Variants in EDIL3 observed in about 807,000 individuals in gnomAD.
EDIL3 encodes EGF like and discoidin domains 3, also known as EGF-like repeat and discoidin I-like domain-containing protein 3.
A neutral mutation model predicts 67.4 loss-of-function variants in EDIL3; 37 were observed. That is an observed-to-expected ratio of 0.55 (90% confidence interval 0.42 to 0.72). EDIL3 has a LOEUF of 0.72. EDIL3 is among the 30% of genes least tolerant of loss of function. EDIL3 has a pLI of 0.00. For synonymous variants in EDIL3, 195 were observed against 196.3 expected, an observed-to-expected ratio of 0.99 and a Z score of 0.05; for missense variants, 527 against 586.3, an observed-to-expected ratio of 0.90 and a Z score of 1.04.
intron 4 of EDIL3, among the ~76,000 whole-genome samples, chr5:84,143,062 T>C (rs565373673): frequency 3.5e-4 from 54 of 152,192 alleles, no homozygotes; most frequent in African/African-American, 1.3e-3. Flanking sequence ...TTTGACCTTT[T>C]ATATTTTTCC....
intron 2 of EDIL3, among the ~76,000 whole-genome samples, chr5:84,243,291 A>G (rs1205188269): frequency 6.6e-6 from 1 of 152,216 alleles, no homozygotes; most frequent in Non-Finnish European, 1.5e-5. Flanking sequence ...GTTGTGGGAC[A>G]GGAAAGCATT....
chr5:84,037,985 C>CTTTTTT (rs1580292622), intron 9 of EDIL3, among the ~76,000 whole-genome samples: 117 of 99,476 alleles, frequency 1.2e-3, no homozygotes, highest in Middle Eastern at 4.9e-3. Flanking sequence ...TTCTTTCTTT[C>CTTTTTT]TTGTTTTTTT....
intron 4 of EDIL3, among the ~76,000 whole-genome samples, chr5:84,143,489 C>G (rs1031122631): frequency 1.3e-5 from 2 of 152,058 alleles, no homozygotes; most frequent in African/African-American, 4.8e-5. Flanking sequence ...CATCTCTATC[C>G]TGACATCCTA....
intron 9 of EDIL3, among the ~76,000 whole-genome samples, chr5:84,054,077 A>G (rs541299562): frequency 3.3e-5 from 5 of 152,128 alleles, no homozygotes; most frequent in Non-Finnish European, 7.4e-5. Flanking sequence ...CTGGCAAACC[A>G]AATCCAGCAG....
At chr5:84,146,371 C>G (rs1748289814) in intron 4 of EDIL3, among the ~76,000 whole-genome samples, 1 of 152,068 alleles carries the variant, frequency 6.6e-6, no homozygotes, top group South Asian at 2.1e-4. Context: ...GCTAATCACC[C>G]ATATGTTTCA....
At chr5:84,129,018 T>C (rs535589532) in intron 5 of EDIL3, among the ~76,000 whole-genome samples, 4 of 152,278 alleles carry the variant, frequency 2.6e-5, no homozygotes, top group Non-Finnish European at 5.9e-5. Context: ...ATGGTCTATT[T>C]GAACATTTTG....
At chr5:84,110,028 C>T (rs1182981002) in intron 5 of EDIL3, among the ~76,000 whole-genome samples, 2 of 152,186 alleles carry the variant, frequency 1.3e-5, no homozygotes, top group Non-Finnish European at 2.9e-5. Context: ...AGGACCTCAA[C>T]TGAAGTAATC....
chr5:84,121,670 G>A (rs1169938536), intron 5 of EDIL3, among the ~76,000 whole-genome samples: 1 of 151,158 alleles, frequency 6.6e-6, no homozygotes, highest in Admixed American at 6.6e-5. Flanking sequence ...ATATCAAACT[G>A]CAAACCTTAG....
At chr5:84,024,692 T>A (rs1745780937) in intron 9 of EDIL3, among the ~76,000 whole-genome samples, 1 of 152,118 alleles carries the variant, frequency 6.6e-6, no homozygotes, top group Non-Finnish European at 1.5e-5. Context: ...ATAGTTCAAA[T>A]ATTTAGTGAA....
intron 10 of EDIL3, among the ~76,000 whole-genome samples, chr5:83,947,273 ACTGTAT>A (rs754146952): frequency 1.3e-4 from 20 of 151,536 alleles, no homozygotes; most frequent in Non-Finnish European, 2.7e-4. Flanking sequence ...GGCCTTACTG[ACTGTAT>A]CTGTACACTG....
At chr5:83,979,070 A>G (rs1286586508) in intron 9 of EDIL3, among the ~76,000 whole-genome samples, 1 of 152,152 alleles carries the variant, frequency 6.6e-6, no homozygotes, top group Non-Finnish European at 1.5e-5. Context: ...AAATTGTTAC[A>G]AAGGCAAACA....
chr5:84,323,134 G>C (rs1004085919), intron 1 of EDIL3, among the ~76,000 whole-genome samples: 31 of 151,970 alleles, frequency 2.0e-4, no homozygotes, highest in African/African-American at 7.5e-4. Flanking sequence ...AATTATTAAT[G>C]TAAAAGCTAG....
At chr5:84,205,287 T>C (rs1040478021) in intron 3 of EDIL3, among the ~76,000 whole-genome samples, 2 of 152,086 alleles carry the variant, frequency 1.3e-5, no homozygotes, top group African/African-American at 4.8e-5. Flanking sequence ...TGTTCCACAT[T>C]TTTTGTGTGG....
At chr5:84,141,086 C>T (rs1216377520) in intron 4 of EDIL3, among the ~76,000 whole-genome samples, 1 of 152,014 alleles carries the variant, frequency 6.6e-6, no homozygotes, top group African/African-American at 2.4e-5. Context: ...ATCTTCGTCA[C>T]AGATCAAGAC....
chr5:84,301,199 C>T (rs1379147729), intron 1 of EDIL3, among the ~76,000 whole-genome samples: 1 of 149,922 alleles, frequency 6.7e-6, no homozygotes, highest in African/African-American at 2.5e-5. Context: ...ACCCTGGAGG[C>T]GGAGGTTGCG....
intron 1 of EDIL3, among the ~76,000 whole-genome samples, chr5:84,334,969 G>T (rs1281630627): frequency 6.6e-6 from 1 of 152,076 alleles, no homozygotes; most frequent in Non-Finnish European, 1.5e-5. Flanking sequence ...TTAGAAGACA[G>T]ATATTATTTT....
chr5:83,963,273 T>G lies in EDIL3; in HGVS notation c.1225A>C (p.Lys409Gln). The change falls in exon 10 of 11, where the codon AAA becomes CAA. Residue 409 changes from lysine to glutamine, a missense_variant. Around this residue, in one of 2 missense-constraint regions of EDIL3, gnomAD observed 494 missense variants for 522.5 expected, o/e 0.95. Coordinates refer to ENST00000296591, the MANE Select transcript of EDIL3 (RefSeq NM_005711.5). The part of the protein sequence containing the change: ...FGHVQFVGSY[K>Q]LAYSNDGEHW... ...TCTCCATCATTGCTGTAAGCCAGTT[T>G]GTAGGAGCCAACAAACTGTACATGA... The G allele has an allele frequency of 6.2e-7, 1 of 1,610,492 alleles. No homozygotes were observed.
intron 1 of EDIL3, among the ~76,000 whole-genome samples, chr5:84,351,889 T>C (rs548206488): frequency 1.2e-3 from 182 of 151,686 alleles, no homozygotes; most frequent in African/African-American, 4.2e-3. Flanking sequence ...AATCTATATA[T>C]CTAAAAGAAG....
chr5:83,970,643 GTATA>G (rs70975530), intron 9 of EDIL3, among the ~76,000 whole-genome samples: 7,111 of 115,486 alleles, frequency 0.062, 237 homozygotes, highest in Middle Eastern at 0.097. Flanking sequence ...TAGGATCACA[GTATA>G]TATATATATA....
Sources: allele counts gnomAD v4.1 joint callset (sites outside exome capture counted in the v4.1 genomes callset), GRCh38; gene constraint gnomAD v4.1.1; regional missense constraint gnomAD v4.1.1; transcripts MANE v1.5; gene names NCBI Gene and HGNC (gene_info 2026-07-23, HGNC 2026-07-21).